The following MMP2 variants were observed in gnomAD, a reference collection of about 807,000 sequenced individuals.
MMP2 encodes matrix metallopeptidase 2, also known as 72 kDa type IV collagenase.
MMP2 carries 39 observed loss-of-function variants against 74.8 expected under a neutral mutation model. That is an observed-to-expected ratio of 0.52 (90% CI 0.40 to 0.68). MMP2 has a LOEUF of 0.68. Ranked by LOEUF, MMP2 falls within the 30% of genes least tolerant of loss-of-function variation. MMP2 has a pLI of 0.00. For synonymous variants in MMP2, 367 were observed against 339.8 expected (o/e 1.08, Z -0.88); for missense variants, 803 against 878.3 (o/e 0.91, Z 1.08).
chr16:55,482,561 G>A lies in MMP2; in HGVS notation c.154-348G>A, dbSNP rs8055959. Among the ~76,000 whole-genome samples, 55,479 of 152,094 alleles carry A rather than the reference G, an allele frequency of 0.36. 10,214 individuals are homozygous for A. The highest frequency in any genetic ancestry group is 0.41 in the African/African-American group (17,030 of 41,484). On this transcript the variant is annotated intron_variant, in intron 1 of 12. Transcript: ENST00000219070. ...CGTAAGCAAGTTTCTTAACCTCTCTGTGCTTCAGTTTCCTCCTCTGTATAA... is the reference window on the plus strand; with the variant it reads ...CGTAAGCAAGTTTCTTAACCTCTCTATGCTTCAGTTTCCTCCTCTGTATAA...
At chr16:55,498,262 C>A (rs769443025) in intron 10 of MMP2, 27 bp from the exon 11 acceptor site, 5 of 1,613,160 alleles carry the variant, frequency 3.1e-6, no homozygotes, top group Non-Finnish European at 4.2e-6. Flanking sequence ...TCAGCACCAG[C>A]CAACACACCC....
intron 11 of MMP2, among the ~76,000 whole-genome samples, chr16:55,500,648 C>T (rs566243335): frequency 1.9e-3 from 295 of 152,308 alleles, no homozygotes; most frequent in Non-Finnish European, 3.1e-3. Context: ...GGACAGACAG[C>T]GTGCTCTACA....
chr16:55,483,475 G>A (rs1054709894), intron 2 of MMP2, among the ~76,000 whole-genome samples: 12 of 152,222 alleles, frequency 7.9e-5, no homozygotes, highest in Non-Finnish European at 8.8e-5. Context: ...CAGAGCAAGA[G>A]TGTAGTAATG....
intron 11 of MMP2, among the ~76,000 whole-genome samples, chr16:55,500,490 CGCAT>C (rs1962639280): frequency 7.1e-6 from 1 of 141,716 alleles, no homozygotes; most frequent in Admixed American, 7.6e-5. Context: ...TGCGCATGTG[CGCAT>C]ACACACACAC....
At chr16:55,496,790 C>T in intron 9 of MMP2, 136 bp from the exon 10 acceptor site, 3 of 1,230,088 alleles carry the variant, frequency 2.4e-6, no homozygotes, top group South Asian at 1.3e-5. Context: ...CTTCTCCAAC[C>T]TTCCTTTGAT....
chr16:55,496,898 T>C, intron 9 of MMP2, 28 bp from the exon 10 acceptor site: 1 of 1,612,900 alleles, frequency 6.2e-7, no homozygotes, highest in African/African-American at 1.3e-5. Context: ...GAAGATGTGG[T>C]TTCCTGTGCC....
At chr16:55,501,544 G>A (rs1344842028) in intron 11 of MMP2, among the ~76,000 whole-genome samples, 1 of 152,186 alleles carries the variant, frequency 6.6e-6, no homozygotes, top group Non-Finnish European at 1.5e-5. Flanking sequence ...TTGAGCTAGG[G>A]AACTTGGTTT....
chr16:55,488,742 T>C, intron 6 of MMP2, 26 bp downstream of exon 6: 1 of 1,568,360 alleles, frequency 6.4e-7, no homozygotes. Flanking sequence ...TCTCCCTCCC[T>C]CAGGGCCCAG....
rs755990134 is a variant in MMP2, at chr16:55,489,730, C to T, written c.1086C>T (p.Ser362=). Residue 362 remains serine, a synonymous_variant, in exon 7 of 13, where the codon AGC becomes AGT. Transcript: ENST00000219070. The part of the protein sequence containing the change: ...PFTFLGNKYE[S]CTSAGRSDGK... ...CTTTCCTGGGCAACAAATATGAGAGCTGCACCAGCGCCGGCCGCAGTGACG... is the reference window on the plus strand; with the variant it reads ...CTTTCCTGGGCAACAAATATGAGAGTTGCACCAGCGCCGGCCGCAGTGACG... 11 of 1,614,058 alleles carry T rather than the reference C, an allele frequency of 6.8e-6. No individual in the cohort carries two copies. The Admixed American group carries it at 1.7e-4, about 24-fold the overall frequency.
At chr16:55,497,171 C>T (rs1962552193) in intron 10 of MMP2, 109 bp downstream of exon 10, 15 of 1,425,830 alleles carry the variant, frequency 1.1e-5, no homozygotes, top group Admixed American at 8.5e-5. Context: ...CCTATGCACC[C>T]GTGGGTGCTC....
intron 12 of MMP2, 102 bp from the exon 13 acceptor site, chr16:55,505,237 G>T: frequency 3.0e-6 from 3 of 1,002,932 alleles, no homozygotes; most frequent in Non-Finnish European, 3.2e-6. Context: ...TCGTTTAAAA[G>T]CTTCTTCCCT....
chr16:55,479,978 C>G (rs1297251146), intron 1 of MMP2: 1,753 of 125,648 alleles, frequency 0.014, 6 homozygotes, highest in Middle Eastern at 0.018. Flanking sequence ...GGACATTTGG[C>G]GGGGGGGGGG....
At chr16:55,500,401 T>C (rs976981954) in intron 11 of MMP2, among the ~76,000 whole-genome samples, 1 of 152,142 alleles carries the variant, frequency 6.6e-6, no homozygotes, top group Non-Finnish European at 1.5e-5. Context: ...AAGAACTTTT[T>C]AAATCACTTT....
upstream of MMP2, chr16:55,479,188 C>T (rs563805794): frequency 6.9e-4 from 160 of 231,220 alleles, no homozygotes; most frequent in Non-Finnish European, 9.1e-4. Flanking sequence ...GGCTGCCCTC[C>T]CTTGTTTCCG....
Position 55,485,412 on chromosome 16 carries a change from T to C in MMP2, c.643T>C (p.Leu215=). Reference sequence around the variant, plus strand: ...TTTTGATGACGATGAGCTATGGACCTTGGGAGAAGGCCAAGGTGAGAAAGG... The same window carrying C: ...TTTTGATGACGATGAGCTATGGACCCTGGGAGAAGGCCAAGGTGAGAAAGG... ...SHFDDDELWT[L]GEGQVVRVKY... Residue 215 remains leucine (L), a synonymous_variant, in exon 4 of 13, where the codon TTG becomes CTG. Transcript: ENST00000219070. 1.9e-6 allele frequency: 3 copies of C among 1,614,090 alleles called. No homozygotes were observed. The highest frequency in any genetic ancestry group is 1.7e-5 in the Admixed American group (1 of 60,014).
intron 7 of MMP2, 52 bp from the exon 8 acceptor site, chr16:55,491,749 C>A: frequency 6.2e-7 from 1 of 1,605,406 alleles, no homozygotes; most frequent in Non-Finnish European, 8.5e-7. Flanking sequence ...CTTGACTTCT[C>A]TCTCATCTCT....
Position 55,483,130 on chromosome 16 carries a change from A to T in MMP2, c.375A>T (p.Thr125=), listed in dbSNP as rs776499317. ...CCAAGTGGGACAAGAACCAGATCAC[A>T]TACAGGTGCCGGGGCAGGGCTTGGG... ...RKPKWDKNQI[T]YRIIGYTPDL... The change falls in exon 2 of 13, where the codon ACA becomes ACT. Residue 125 remains threonine, a synonymous_variant. Transcript: ENST00000219070. The T allele has an allele frequency of 1.2e-6, 2 of 1,612,796 alleles. No homozygotes were observed. The highest frequency in any genetic ancestry group is 1.7e-5 in the Admixed American group (1 of 59,988).
chr16:55,499,040 A>C (rs1962600947), intron 11 of MMP2, among the ~76,000 whole-genome samples: 2 of 152,060 alleles, frequency 1.3e-5, no homozygotes, highest in South Asian at 4.1e-4. Context: ...ATGGTGGTGC[A>C]TGCCTGCAAT....
chr16:55,479,286 G>A lies in MMP2; in HGVS notation c.-194G>A, dbSNP rs1382179669. ...AGGGATTGCCAGGACCTGCGGCGGC[G>A]GCGGCGGCGGCGGGGGCTGGGGCGC... On this transcript the variant is annotated 5_prime_UTR_variant, in exon 1 of 13. Transcript: ENST00000219070. The A allele has an allele frequency of 1.1e-5, 5 of 457,322 alleles. No homozygotes were observed. Among genetic ancestry groups the A allele is most frequent in the Admixed American group, 4.8e-5 (1 of 20,854 alleles). The allele number at this position is 457,322 out of a possible 1,614,324, so 28.3% of individuals were successfully genotyped here.
Sources: allele counts gnomAD v4.1 joint callset (sites outside exome capture counted in the v4.1 genomes callset), GRCh38; gene constraint gnomAD v4.1.1; transcripts MANE v1.5; gene names NCBI Gene and HGNC (gene_info 2026-07-23, HGNC 2026-07-21).